DCLRE1C: variants seen among roughly 807,000 people sequenced by gnomAD.
The protein encoded by DCLRE1C is protein artemis.
DCLRE1C carries 47 observed loss-of-function variants against 61.4 expected under a neutral mutation model. The ratio of observed to expected loss-of-function variants is 0.77; its 90% confidence interval spans 0.61 to 0.98. The LOEUF (loss-of-function observed/expected upper bound fraction) is 0.98. Among genes scored for constraint, DCLRE1C ranks in the 50% least tolerant of loss-of-function variants. The pLI, the probability that DCLRE1C is intolerant of heterozygous loss-of-function variation, is 0.00. For synonymous variants in DCLRE1C, 337 were observed against 287.6 expected, an observed-to-expected ratio of 1.17 and a Z score of -1.74; for missense variants, 858 against 816.0, an observed-to-expected ratio of 1.05 and a Z score of -0.63.
chr10:14,951,450 T>C (rs1479707260), intron 1 of DCLRE1C, among the ~76,000 whole-genome samples: 2 of 149,642 alleles, frequency 1.3e-5, no homozygotes, highest in African/African-American at 4.9e-5. Context: ...TTTCCATGCA[T>C]TTTTTCTAGC....
intron 6 of DCLRE1C, 141 bp from the exon 7 acceptor site, chr10:14,934,916 G>A (rs1001891506): frequency 6.5e-5 from 44 of 677,332 alleles, no homozygotes; most frequent in South Asian, 2.8e-4. Flanking sequence ...TCCACCTCCC[G>A]GGTTCAAGCA....
At chr10:14,937,755 G>T (rs1367970443) in intron 4 of DCLRE1C, among the ~76,000 whole-genome samples, 2 of 152,080 alleles carry the variant, frequency 1.3e-5, no homozygotes, top group Non-Finnish European at 2.9e-5. Context: ...GCTGCGCATG[G>T]TGGTGGGCAG....
intron 13 of DCLRE1C, chr10:14,899,407 A>G (rs1328215825): frequency 1.1e-6 from 1 of 927,778 alleles, no homozygotes; most frequent in Non-Finnish European, 1.6e-6. Context: ...GTTTGTGTGA[A>G]TGTTTGCTTT....
intron 12 of DCLRE1C, chr10:14,920,234 T>C (rs771055007): frequency 1.0e-4 from 42 of 409,132 alleles, no homozygotes; most frequent in Non-Finnish European, 1.6e-4. Flanking sequence ...TAGCTGCTTC[T>C]CCTGCCCTGT....
chr10:14,943,560 G>C (rs925791118), intron 3 of DCLRE1C, among the ~76,000 whole-genome samples: 6 of 151,906 alleles, frequency 3.9e-5, no homozygotes, highest in Admixed American at 2.6e-4. Context: ...TAACTTTTTT[G>C]TTTGTTTTTG....
chr10:14,923,452 A>T, intron 11 of DCLRE1C: 1 of 262,558 alleles, frequency 3.8e-6, no homozygotes, highest in Non-Finnish European at 7.5e-6. Flanking sequence ...CCCTTTTCAA[A>T]TAAGTTAGAA....
intron 1 of DCLRE1C, among the ~76,000 whole-genome samples, chr10:14,953,683 G>A (rs371711099): frequency 6.6e-6 from 1 of 152,122 alleles, no homozygotes; most frequent in Admixed American, 6.5e-5. Context: ...AAGCCGGCCC[G>A]GGGCGCAACT....
chr10:14,930,135 G>A (rs1038611773), intron 9 of DCLRE1C, among the ~76,000 whole-genome samples: 3 of 151,864 alleles, frequency 2.0e-5, no homozygotes, highest in Non-Finnish European at 2.9e-5. Context: ...TACTTGAGAC[G>A]GGGTTTCACT....
intron 3 of DCLRE1C, among the ~76,000 whole-genome samples, chr10:14,942,605 C>T (rs568104460): frequency 4.8e-3 from 733 of 152,128 alleles, no homozygotes; most frequent in African/African-American, 0.017. Context: ...ACTTCAGTCA[C>T]ATCACAGGAC....
upstream of DCLRE1C, chr10:14,954,133 A>C: frequency 6.5e-7 from 1 of 1,532,004 alleles, no homozygotes; most frequent in Non-Finnish European, 8.8e-7. Context: ...GAACGCAGCC[A>C]CGTCCAATCA....
chr10:14,917,639 C>A (rs1481599437), intron 13 of DCLRE1C, among the ~76,000 whole-genome samples: 1 of 152,090 alleles, frequency 6.6e-6, no homozygotes, highest in Admixed American at 6.6e-5. Context: ...GCTTGGGCAA[C>A]ATGGTGAAAC....
intron 12 of DCLRE1C, chr10:14,920,451 CA>C (rs1321080851): frequency 2.0e-6 from 2 of 1,000,728 alleles, no homozygotes; most frequent in East Asian, 2.1e-4. Flanking sequence ...TGATCTACAA[CA>C]TACCATTTGA....
chr10:14,954,078 C>T lies in DCLRE1C; in HGVS notation c.-68G>A. 6.2e-7 allele frequency: 1 copy of T among 1,604,600 alleles called. No individual in the cohort carries two copies. The highest frequency in any genetic ancestry group is 1.3e-5 in the African/African-American group (1 of 74,996). On this transcript the variant is annotated 5_prime_UTR_variant, in exon 1 of 14. Coordinates refer to ENST00000378278, the MANE Select transcript of DCLRE1C (RefSeq NM_001033855.3). Reference sequence around the variant, plus strand: ...GAAGCCAAGGCCAGCCCTGACCGCGCCGCCACTTCCGGGAAGCCGCGCGCT... The same window carrying T: ...GAAGCCAAGGCCAGCCCTGACCGCGTCGCCACTTCCGGGAAGCCGCGCGCT...
downstream of DCLRE1C, chr10:14,901,077 T>C: frequency 6.3e-7 from 1 of 1,588,538 alleles, no homozygotes; most frequent in Non-Finnish European, 8.6e-7. Flanking sequence ...ATATGGCATG[T>C]AGAAGGGCTT....
intron 6 of DCLRE1C, 85 bp from the exon 7 acceptor site, chr10:14,934,860 C>T: frequency 6.3e-6 from 6 of 954,582 alleles, no homozygotes; most frequent in Non-Finnish European, 1.0e-5. Context: ...TGGAGTTTCG[C>T]TCTGTTGCCC....
chr10:14,947,331 G>A (rs905557564), intron 2 of DCLRE1C, among the ~76,000 whole-genome samples: 5 of 152,176 alleles, frequency 3.3e-5, no homozygotes, highest in Non-Finnish European at 5.9e-5. Context: ...CAGATCTTAA[G>A]GGGCTGACAT....
intron 13 of DCLRE1C, among the ~76,000 whole-genome samples, chr10:14,910,676 C>T (rs1262869351): frequency 2.0e-5 from 3 of 152,120 alleles, no homozygotes; most frequent in Non-Finnish European, 2.9e-5. Context: ...TATGCCTGAT[C>T]CCAAAAGACA....
intron 3 of DCLRE1C, among the ~76,000 whole-genome samples, chr10:14,940,675 A>G (rs1379676169): frequency 1.3e-5 from 2 of 152,234 alleles, no homozygotes; most frequent in Admixed American, 6.5e-5. Flanking sequence ...AGAGGCATTC[A>G]GTAAGTATCT....
exon 14 of DCLRE1C, chr10:14,899,243 C>T (rs1490796322): frequency 1.4e-6 from 1 of 702,052 alleles, no homozygotes; most frequent in East Asian, 2.7e-5. Flanking sequence ...TCGCTTGATC[C>T]CAGGAGTTAA....
Sources: gnomAD v4.1 joint callset for allele counts (sites outside exome capture counted in the v4.1 genomes callset) on GRCh38, gnomAD v4.1.1 for gene constraint, MANE v1.5 for transcripts, NCBI Gene and HGNC (gene_info 2026-07-23, HGNC 2026-07-21) for gene names.